MTRR: variants seen among roughly 807,000 people sequenced by gnomAD.
The protein encoded by MTRR is methionine synthase reductase.
Under a neutral mutation model 79.2 loss-of-function variants are expected in MTRR, and 63 were observed. The ratio of observed to expected loss-of-function variants is 0.80; its 90% CI spans 0.65 to 0.98. MTRR has a LOEUF of 0.98. Ranked by LOEUF, MTRR falls within the 50% of genes least tolerant of loss-of-function variation. The pLI, the probability that MTRR is intolerant of heterozygous loss-of-function variation, is 0.00. For synonymous variants in MTRR, 355 were observed against 313.3 expected (o/e 1.13, Z -1.41); for missense variants, 895 against 839.6 (o/e 1.07, Z -0.82).
At chr5:7,866,113 T>C (rs760033875), upstream of MTRR, 1 of 678,970 alleles carries the variant, frequency 1.5e-6, no homozygotes, top group Non-Finnish European at 2.5e-6. Context: ...CACTATGAAA[T>C]GAACTTGTTA....
intron 9 of MTRR, 118 bp from the exon 10 acceptor site, chr5:7,891,254 A>G (rs1737495570): frequency 1.5e-6 from 1 of 678,760 alleles, no homozygotes; most frequent in Non-Finnish European, 2.5e-6. Flanking sequence ...ATTTAAAACT[A>G]GAACATGATT....
intron 5 of MTRR, 47 bp from the exon 6 acceptor site, chr5:7,883,108 G>T (rs1735840476): frequency 6.2e-7 from 1 of 1,613,480 alleles, no homozygotes. Context: ...TGAAAGAAGG[G>T]TATAATTGAA....
chr5:7,855,211 T>TA (rs1196614001), intron 1 of MTRR, among the ~76,000 whole-genome samples: 1 of 152,104 alleles, frequency 6.6e-6, no homozygotes, highest in Non-Finnish European at 1.5e-5. Flanking sequence ...CATCAACAGT[T>TA]AAAAAATATT....
chr5:7,876,175 T>C (rs326121), intron 4 of MTRR, among the ~76,000 whole-genome samples: 59,083 of 93,044 alleles, frequency 0.64, 13,030 homozygotes, highest in East Asian at 0.72. Flanking sequence ...GTATTTCTGC[T>C]GAACTCACCC....
At chr5:7,853,820 C>T (rs1561078903) in intron 1 of MTRR, among the ~76,000 whole-genome samples, 1 of 152,184 alleles carries the variant, frequency 6.6e-6, no homozygotes, top group African/African-American at 2.4e-5. Context: ...GAGTGTCTTG[C>T]CTCCTTGGTG....
At chr5:7,885,970 G>A in intron 7 of MTRR, 116 bp downstream of exon 7, 1 of 1,349,338 alleles carries the variant, frequency 7.4e-7, no homozygotes, top group Non-Finnish European at 1.1e-6. Context: ...GATGCCTGGG[G>A]CTCAGCTGCG....
rs769172296 is a variant in MTRR, at chr5:7,878,127, A to T, written c.585A>T (p.Arg195Ser). 6.2e-7 allele frequency: 1 copy of T among 1,614,094 alleles called. No homozygotes were observed. The highest frequency in any genetic ancestry group is 1.7e-5 in the Admixed American group (1 of 60,010). Residue 195 changes from arginine (R) to serine (S), a missense_variant, in exon 5 of 15, where the codon AGA becomes AGT. Coordinates refer to ENST00000440940, the MANE Select transcript of MTRR (RefSeq NM_002454.3). Reference sequence around the variant, plus strand: ...TTGAATCTCAAGTCGAGCTTCTGAGATTCGATGATTCAGGAAGAAAGGATT... The same window carrying T: ...TTGAATCTCAAGTCGAGCTTCTGAGTTTCGATGATTCAGGAAGAAAGGATT... ...LHIESQVELL[R>S]FDDSGRKDSE...
In MTRR at chr5:7,889,258, C is replaced by G; in HGVS notation, c.1310C>G (p.Pro437Arg). Residue 437 changes from proline (P) to arginine (R), a missense_variant, in exon 9 of 15, where the codon CCA becomes CGA. Physicochemically the swap from Pro to Arg is moderately radical, Grantham distance 103. Transcript: ENST00000440940. ...CTCGCTTTCCCTTCTTGCCAGCCAC[C>G]ACTCAGTCTCCTGCTCGGTGAGTAG... ...LLLAFPSCQP[P>R]LSLLLEHLPK... 6.2e-7 allele frequency: 1 copy of G among 1,612,882 alleles called. No homozygotes were observed. Among genetic ancestry groups the G allele is most frequent in the Non-Finnish European group, 8.5e-7 (1 of 1,180,022 alleles).
intron 1 of MTRR, chr5:7,859,228 T>C (rs1561088304): frequency 5.9e-6 from 2 of 340,586 alleles, no homozygotes; most frequent in Non-Finnish European, 1.0e-5. Context: ...GTACAAAAAG[T>C]ATCTATGACA....
chr5:7,861,541 C>T lies in MTRR; in HGVS notation n.392-410C>T, dbSNP rs558049896. On this transcript the variant is annotated intron_variant and non_coding_transcript_variant, in intron 1 of 3. Transcript: ENST00000502509. Reference sequence around the variant, plus strand: ...AAAAGATACCGCTGCTTATTAGCCTCAACGAGTCTTGTAATGTGAAAAACA... The same window carrying T: ...AAAAGATACCGCTGCTTATTAGCCTTAACGAGTCTTGTAATGTGAAAAACA... 103 of 1,399,432 alleles carry T rather than the reference C, an allele frequency of 7.4e-5. 1 individual carries two copies. The South Asian group carries it at 1.4e-3, about 19-fold the overall frequency. The allele number at this position is 1,399,432 out of a possible 1,614,324, so 86.7% of individuals were successfully genotyped here.
chr5:7,856,702 C>CCAAG (rs1746255971), intron 1 of MTRR: 1 of 151,676 alleles, frequency 6.6e-6, no homozygotes, highest in South Asian at 2.1e-4. Context: ...CCTCACTGAG[C>CCAAG]CAAGACCCCT....
At position 7,886,606 on chromosome 5, in the gene MTRR, C is replaced by A; in HGVS notation, c.1058-9C>A. ...GTCATGAACCCCTTTCCCGTCTTTA[C>A]CTGAAAAGGAGCTACCTTACCCCAG... On this transcript the variant is annotated splice_polypyrimidine_tract_variant and intron_variant, in intron 7 of 14. Transcript: ENST00000440940. 1 of 1,601,574 alleles carries A rather than the reference C, an allele frequency of 6.2e-7. No homozygotes were observed. Among genetic ancestry groups the A allele is most frequent in the Non-Finnish European group, 8.6e-7 (1 of 1,168,624 alleles).
chr5:7,893,661 CTCTT>C (rs1444933811), intron 11 of MTRR: 1 of 152,130 alleles, frequency 6.6e-6, no homozygotes, highest in Non-Finnish European at 1.5e-5. Context: ...TCATGAAGTC[CTCTT>C]TCTTCATAGT....
rs558981700 is a variant in MTRR, at chr5:7,890,575, A to G, written c.1328-797A>G. 4.6e-5 allele frequency among the ~76,000 whole-genome samples: 7 copies of G among 152,314 alleles called. No homozygotes were observed. In the South Asian group the frequency reaches 1.4e-3, roughly 32 times the overall value. On this transcript the variant is annotated intron_variant, in intron 9 of 14. Coordinates refer to ENST00000440940, the MANE Select transcript of MTRR (RefSeq NM_002454.3). ...ATTAAAGTCATTGGGACTTATAAAA[A>G]ATTATATTATTTTCTAATTAAGAAC...
chr5:7,878,204 T>C lies in MTRR; in HGVS notation c.662T>C (p.Ile221Thr). The change falls in exon 5 of 15, where the codon ATT (isoleucine) becomes ACT (threonine). Residue 221 changes from isoleucine (I) to threonine (T), a missense_variant. Physicochemically the swap from Ile to Thr is moderately conservative, Grantham distance 89. Coordinates refer to ENST00000440940, the MANE Select transcript of MTRR (RefSeq NM_002454.3). Reference sequence around the variant, plus strand: ...AACAGCAACCAATCCAATGTTGTAATTGAAGACTTTGAGTCCTCACTTACC... The same window carrying C: ...AACAGCAACCAATCCAATGTTGTAACTGAAGACTTTGAGTCCTCACTTACC... The part of the protein sequence containing the change: ...AVNSNQSNVV[I>T]EDFESSLTRS... 2.5e-6 allele frequency: 4 copies of C among 1,614,204 alleles called. No individual in the cohort carries two copies. The highest frequency in any genetic ancestry group is 3.4e-6 in the Non-Finnish European group (4 of 1,180,042).
At chr5:7,875,409 C>CCCT in intron 4 of MTRR, 34 bp downstream of exon 4, 1 of 1,463,990 alleles carries the variant, frequency 6.8e-7, no homozygotes, top group Non-Finnish European at 9.6e-7. Context: ...CTCCAATAAG[C>CCCT]CCTCTATACA....
intron 11 of MTRR, among the ~76,000 whole-genome samples, chr5:7,894,460 A>T (rs1045628721): frequency 2.0e-5 from 3 of 152,214 alleles, no homozygotes; most frequent in Non-Finnish European, 4.4e-5. Context: ...CTCTCCACAT[A>T]GACCCTCAAG....
At chr5:7,869,454 C>T (rs953655679) in intron 1 of MTRR, 6 of 558,734 alleles carry the variant, frequency 1.1e-5, no homozygotes, top group South Asian at 2.0e-5. Context: ...CCGCGGGAGG[C>T]CCCTGGGCGG....
chr5:7,884,721 C>G (rs952796064), intron 6 of MTRR, among the ~76,000 whole-genome samples: 3 of 152,110 alleles, frequency 2.0e-5, no homozygotes, highest in Non-Finnish European at 4.4e-5. Flanking sequence ...AAGAAACTGA[C>G]TGATAATCCT....
Sources: gnomAD v4.1 joint callset for allele counts (sites outside exome capture counted in the v4.1 genomes callset) on GRCh38, gnomAD v4.1.1 for gene constraint, MANE v1.5 for transcripts, NCBI Gene and HGNC (gene_info 2026-07-23, HGNC 2026-07-21) for gene names.